LINGO2: variants seen among roughly 807,000 people sequenced by gnomAD.
The protein encoded by LINGO2 is leucine rich repeat and Ig domain containing 2.
A neutral mutation model predicts 30.6 loss-of-function variants in LINGO2; 14 were observed. The observed-to-expected ratio is 0.46, with a 90% confidence interval of 0.30 to 0.72. The LOEUF (loss-of-function observed/expected upper bound fraction) is 0.72, where lower values mean the gene tolerates loss of function less well. Among genes scored for constraint, LINGO2 ranks in the 30% least tolerant of loss-of-function variants. The pLI, the probability that LINGO2 is intolerant of heterozygous loss-of-function variation, is 0.07. For missense variants in LINGO2, 729 were observed against 751.7 expected (o/e 0.97, Z 0.35); for synonymous variants, 317 against 288.5 (o/e 1.10, Z -1.00).
At chr9:28,303,601 A>G (rs973434628) in intron 3 of LINGO2, among the ~76,000 whole-genome samples, 2 of 152,182 alleles carry the variant, frequency 1.3e-5, no homozygotes, top group African/African-American at 4.8e-5. Flanking sequence ...ACAGTAGATT[A>G]ACACGTGTTT....
At chr9:29,186,023 T>A in the LINGO2 span, among the ~76,000 whole-genome samples, 1 of 151,908 alleles carries the variant, frequency 6.6e-6, no homozygotes, top group Non-Finnish European at 1.5e-5. Context: ...GTCAATCACT[T>A]TTTTTTTCAC....
intron 5 of LINGO2, among the ~76,000 whole-genome samples, chr9:27,993,574 A>T (rs539125135): frequency 3.3e-5 from 5 of 152,210 alleles, no homozygotes; most frequent in African/African-American, 1.2e-4. Flanking sequence ...TCTAGCCACA[A>T]CTTTCTTATG....
intron 3 of LINGO2, among the ~76,000 whole-genome samples, chr9:28,370,211 C>A (rs1401949658): frequency 6.6e-6 from 1 of 152,148 alleles, no homozygotes; most frequent in Non-Finnish European, 1.5e-5. Flanking sequence ...AACATACCTT[C>A]ACATTTTCAG....
At chr9:28,496,958 C>G (rs1819656412) in intron 1 of LINGO2, among the ~76,000 whole-genome samples, 1 of 152,136 alleles carries the variant, frequency 6.6e-6, no homozygotes, top group Non-Finnish European at 1.5e-5. Context: ...GTTGAAAATT[C>G]TTTTCTTTAA....
chr9:28,725,726 G>GA, the LINGO2 span, among the ~76,000 whole-genome samples: 1 of 151,692 alleles, frequency 6.6e-6, no homozygotes, highest in South Asian at 2.1e-4. Context: ...CCTATGAAAA[G>GA]AAAAAAGCTC....
In LINGO2 at chr9:28,223,809, T is replaced by C. The variant is rs964289629; in HGVS notation, c.-87+71399A>G. ...GAGAGAAAAAAGACAAATATGGCCA[T>C]GCTTTTTAAAAATTTGGATGCATAT... On this transcript the variant is annotated intron_variant, in intron 4 of 5. Coordinates refer to ENST00000379992, the Ensembl canonical transcript of LINGO2. Among the ~76,000 whole-genome samples, 4 of 152,226 alleles carry C rather than the reference T, an allele frequency of 2.6e-5. No homozygotes were observed. The South Asian group carries it at 6.2e-4, about 24-fold the overall frequency.
At chr9:28,679,539 G>A in the LINGO2 span, among the ~76,000 whole-genome samples, 4 of 151,944 alleles carry the variant, frequency 2.6e-5, no homozygotes, top group Non-Finnish European at 4.4e-5. Flanking sequence ...ACTTTTTTGA[G>A]GTAGGACTGG....
chr9:28,529,078 T>G (rs1422852266), intron 1 of LINGO2, among the ~76,000 whole-genome samples: 1 of 152,120 alleles, frequency 6.6e-6, no homozygotes, highest in African/African-American at 2.4e-5. Context: ...TCATGTTCCA[T>G]TCTTTCTTTA....
chr9:28,101,859 C>T (rs936867347), intron 4 of LINGO2, among the ~76,000 whole-genome samples: 1 of 152,096 alleles, frequency 6.6e-6, no homozygotes, highest in African/African-American at 2.4e-5. Flanking sequence ...TATGAAAAGT[C>T]GGGAAGTCAA....
chr9:28,382,913 T>C (rs933219297), intron 2 of LINGO2, among the ~76,000 whole-genome samples: 5 of 152,044 alleles, frequency 3.3e-5, no homozygotes, highest in Non-Finnish European at 5.9e-5. Context: ...TTTTATCATT[T>C]TTTCATACCT....
At chr9:28,229,378 GA>G (rs541655906) in intron 4 of LINGO2, among the ~76,000 whole-genome samples, 61 of 151,344 alleles carry the variant, frequency 4.0e-4, no homozygotes, top group African/African-American at 1.4e-3. Flanking sequence ...AACTGTAGAA[GA>G]AAAAAATAAA....
At chr9:28,452,343 T>C (rs867833791) in intron 2 of LINGO2, among the ~76,000 whole-genome samples, 31 of 151,900 alleles carry the variant, frequency 2.0e-4, no homozygotes, top group African/African-American at 7.5e-4. Context: ...AGTAGAAGGC[T>C]TGTGTCCCAT....
At chr9:29,083,025 C>T in the LINGO2 span, among the ~76,000 whole-genome samples, 14 of 152,212 alleles carry the variant, frequency 9.2e-5, no homozygotes, top group South Asian at 2.5e-3. Flanking sequence ...GTCAGTGTGG[C>T]GATTCCTCAG....
chr9:29,196,440 A>G, the LINGO2 span, among the ~76,000 whole-genome samples: 1 of 152,076 alleles, frequency 6.6e-6, no homozygotes, highest in East Asian at 1.9e-4. Context: ...TAATATATGC[A>G]ACTTGAAGAT....
the LINGO2 span, among the ~76,000 whole-genome samples, chr9:29,066,467 T>C: frequency 6.6e-6 from 1 of 152,006 alleles, no homozygotes; most frequent in Non-Finnish European, 1.5e-5. Context: ...GTAAGTGTTT[T>C]GCATTGCAAG....
the LINGO2 span, among the ~76,000 whole-genome samples, chr9:28,860,982 CTATAATATATTATATTTATTAATATATAA>C: frequency 8.3e-6 from 1 of 120,622 alleles, no homozygotes; most frequent in Non-Finnish European, 1.6e-5. Flanking sequence ...ATATATAAAT[CTATAATATATTATATTTATTAATATATAA>C]TATAATATAT....
chr9:28,278,910 AC>A (rs141443321), intron 4 of LINGO2, among the ~76,000 whole-genome samples: 14,319 of 152,252 alleles, frequency 0.094, 873 homozygotes, highest in Middle Eastern at 0.25. Flanking sequence ...GAAAAGATTC[AC>A]CATTCTAGAT....
intron 2 of LINGO2, among the ~76,000 whole-genome samples, chr9:28,382,096 C>T (rs1045653152): frequency 2.6e-5 from 4 of 152,028 alleles, no homozygotes; most frequent in African/African-American, 9.7e-5. Flanking sequence ...GTTTCCTTCT[C>T]TATTAAATGG....
the LINGO2 span, among the ~76,000 whole-genome samples, chr9:28,715,142 G>C: frequency 6.6e-6 from 1 of 152,140 alleles, no homozygotes. Flanking sequence ...ATTTGGACTG[G>C]TGATGGATTT....
Sources: allele counts gnomAD v4.1 joint callset (sites outside exome capture counted in the v4.1 genomes callset), GRCh38; gene constraint gnomAD v4.1.1; transcripts MANE v1.5; gene names NCBI Gene and HGNC (gene_info 2026-07-23, HGNC 2026-07-21).